Variants in AGT observed in about 807,000 individuals in gnomAD.
AGT encodes the protein angiotensinogen.
Under a neutral mutation model 28.1 loss-of-function variants are expected in AGT, and 26 were observed. That is an observed-to-expected ratio of 0.92 (90% CI 0.68 to 1.28). The LOEUF (loss-of-function observed/expected upper bound fraction) is 1.28. AGT is among the 50% of genes most tolerant of loss of function. The pLI is 0.00. For missense variants in AGT, 596 were observed against 592.3 expected, an observed-to-expected ratio of 1.01 and a Z score of -0.06; for synonymous variants, 259 against 259.6, an observed-to-expected ratio of 1.00 and a Z score of 0.02.
At chr1:230,723,755 T>G (rs574311371) in intron 1 of AGT, among the ~76,000 whole-genome samples, 2 of 152,356 alleles carry the variant, frequency 1.3e-5, no homozygotes, top group East Asian at 3.9e-4. Flanking sequence ...GGTTATCTTC[T>G]CTTTGTCCAC....
At chr1:230,733,955 C>T (rs1352685559) in intron 1 of AGT, among the ~76,000 whole-genome samples, 1 of 152,128 alleles carries the variant, frequency 6.6e-6, no homozygotes, top group Non-Finnish European at 1.5e-5. Flanking sequence ...CCAGGCTCCA[C>T]CTTTGTGATG....
intron 1 of AGT, among the ~76,000 whole-genome samples, chr1:230,736,251 C>T (rs146123198): frequency 5.3e-5 from 8 of 152,140 alleles, no homozygotes; most frequent in African/African-American, 9.6e-5. Context: ...CAGCTGGGCG[C>T]GGTGGCTCAC....
chr1:230,726,786 A>G (rs1663951460), intron 1 of AGT, among the ~76,000 whole-genome samples: 1 of 152,132 alleles, frequency 6.6e-6, no homozygotes, highest in African/African-American at 2.4e-5. Flanking sequence ...AGTGCCATTC[A>G]TCTCATTCTT....
chr1:230,738,199 C>T (rs1429828121), intron 1 of AGT, among the ~76,000 whole-genome samples: 1 of 152,252 alleles, frequency 6.6e-6, no homozygotes, highest in Non-Finnish European at 1.5e-5. Context: ...TTTCAGTTCT[C>T]TTGACAGATA....
rs1190042360 is a variant in AGT, at chr1:230,703,275, ACT to A, written c.1295_1296del (p.Glu432ValfsTer6). 1.9e-6 allele frequency: 3 copies of A among 1,613,900 alleles called. No individual in the cohort carries two copies. Among genetic ancestry groups the A allele is most frequent in the Non-Finnish European group, 1.7e-6 (2 of 1,179,956 alleles). On this transcript the variant is annotated frameshift_variant, in exon 5 of 5. Coordinates refer to ENST00000366667, the MANE Select transcript of AGT (RefSeq NM_001384479.1). LOFTEE classifies it low-confidence loss of function (END_TRUNC). ...ELEADEREPT[E>X]STQQLNKPEV... ...TCAGGCTTGTTAAGCTGTTGGGTAG[ACT>A]CTGTGGGCTCTCTCTCATCCGCTTC... is the stretch of plus-strand genomic sequence containing the variant.
At chr1:230,704,771 G>A (rs545852643) in intron 3 of AGT, among the ~76,000 whole-genome samples, 12 of 152,302 alleles carry the variant, frequency 7.9e-5, no homozygotes, top group African/African-American at 2.4e-4. Flanking sequence ...TGCTGGACAC[G>A]TTGCTATGTC....
chr1:230,722,525 A>G (rs1209186242), intron 1 of AGT, among the ~76,000 whole-genome samples: 1 of 152,232 alleles, frequency 6.6e-6, no homozygotes, highest in Non-Finnish European at 1.5e-5. Context: ...CCAGCCTGTG[A>G]AAGCAGCCAG....
chr1:230,708,321 C>A (rs1305905442), intron 2 of AGT, among the ~76,000 whole-genome samples: 2 of 152,198 alleles, frequency 1.3e-5, no homozygotes, highest in Admixed American at 1.3e-4. Flanking sequence ...ATGCCACTGG[C>A]TTTCTTGCCT....
chr1:230,743,753 A>G lies in AGT; in HGVS notation c.-31+1762T>C, dbSNP rs555531657. 4.2e-4 allele frequency among the ~76,000 whole-genome samples: 64 copies of G among 152,336 alleles called. 1 individual carries two copies. The highest frequency in any genetic ancestry group is 1.5e-4 in the Non-Finnish European group (10 of 68,012). On this transcript the variant is annotated intron_variant, in intron 1 of 4. Coordinates refer to the AGT transcript ENST00000681269. ...TCCTAGAGGTCATCTCCCTGCACCC[A>G]TGTGAAGCTTCTGAGCATTTGTCCT...
chr1:230,714,053 A>G (rs2148582), intron 1 of AGT, 33 bp downstream of exon 1: 88,034 of 151,938 alleles, frequency 0.58, 28,063 homozygotes, highest in East Asian at 0.83. Context: ...GAGAGACAAG[A>G]CCGAGAAGGA....
chr1:230,706,614 T>C (rs1397978286), intron 2 of AGT, among the ~76,000 whole-genome samples: 1 of 152,200 alleles, frequency 6.6e-6, no homozygotes, highest in African/African-American at 2.4e-5. Context: ...AGAGTGACTT[T>C]AGGTTCACAG....
At chr1:230,709,972 G>A in intron 2 of AGT, 23 bp downstream of exon 2, 1 of 1,614,114 alleles carries the variant, frequency 6.2e-7, no homozygotes, top group Non-Finnish European at 8.5e-7. Context: ...TAGGGCCAGA[G>A]CCAGCAGAGA....
chr1:230,710,764 G>GCCAGC lies in AGT; in HGVS notation c.55_59dup (p.Ala23TrpfsTer61). The GCCAGC allele has an allele frequency of 6.2e-7, 1 of 1,614,164 alleles. No homozygotes were observed. The highest frequency in any genetic ancestry group is 2.2e-5 in the East Asian group (1 of 44,888). On this transcript the variant is annotated frameshift_variant, in exon 2 of 5. Coordinates refer to ENST00000366667, the MANE Select transcript of AGT (RefSeq NM_001384479.1). LOFTEE classifies it high-confidence loss of function. ...TGTACACCCGGTCACCTGCAGCCAG[G>GCCAGC]CCAGCCCAGGCCAGGAGGCAGAGGA... is the stretch of plus-strand genomic sequence containing the variant.
intron 1 of AGT, among the ~76,000 whole-genome samples, chr1:230,742,340 G>C (rs1390203597): frequency 6.6e-6 from 1 of 152,118 alleles, no homozygotes; most frequent in East Asian, 1.9e-4. Context: ...TTTTGAGACA[G>C]AGTCTCGCAC....
upstream of AGT, among the ~76,000 whole-genome samples, chr1:230,719,406 G>GTTTTTTTTGTTTGTTTGTTTTTGT (rs1558291279): frequency 4.0e-5 from 4 of 100,322 alleles, no homozygotes; most frequent in Admixed American, 2.4e-4. Flanking sequence ...TTATCATTAT[G>GTTTTTTTTGTTTGTTTGTTTTTGT]TTTTTTTTTT....
chr1:230,727,753 G>C (rs1044628755), intron 1 of AGT, among the ~76,000 whole-genome samples: 1 of 152,062 alleles, frequency 6.6e-6, no homozygotes, highest in Non-Finnish European at 1.5e-5. Context: ...CCCTATATAA[G>C]GTACTGACAT....
Position 230,710,221 on chromosome 1 carries a change from GC to G in AGT, c.602del (p.Gly201AlafsTer10). 6.2e-7 allele frequency: 1 copy of G among 1,613,606 alleles called. No homozygotes were observed. Among genetic ancestry groups the G allele is most frequent in the Non-Finnish European group, 8.5e-7 (1 of 1,179,982 alleles). On this transcript the variant is annotated frameshift_variant, in exon 2 of 5. Coordinates refer to ENST00000366667, the MANE Select transcript of AGT (RefSeq NM_001384479.1). LOFTEE classifies it high-confidence loss of function. ...QAQLLLSTVV[G>X]VFTAPGLHLK... ...GGTGCAGGCCTGGGGCTGTGAACAC[GC>G]CCACCACCGTGGACAGCAGCAGCTG...
Position 230,703,142 on chromosome 1 carries a change from C to T in AGT, c.1430G>A (p.Ter477=), listed in dbSNP as rs771309153. The change falls in exon 5 of 5, where the codon TGA becomes TAA. Residue 477 remains the stop codon, a stop_retained_variant. Transcript: ENST00000366667. ...GRVANPLSTA[*] ...GCACTGTGTTCTGGGGCCCTGGCCT[C>T]ATGCTGTGCTCAGCGGGTTGGCCAC... is the stretch of plus-strand genomic sequence containing the variant. 1.2e-6 allele frequency: 2 copies of T among 1,613,556 alleles called. No homozygotes were observed. The highest frequency in any genetic ancestry group is 1.7e-6 in the Non-Finnish European group (2 of 1,180,038).
At chr1:230,734,382 C>G (rs988740929) in intron 1 of AGT, among the ~76,000 whole-genome samples, 2 of 150,186 alleles carry the variant, frequency 1.3e-5, no homozygotes, top group African/African-American at 4.9e-5. Flanking sequence ...TTTCCAGGGG[C>G]TGGGGGAGGG....
Sources: gnomAD v4.1 joint callset for allele counts (sites outside exome capture counted in the v4.1 genomes callset) on GRCh38, gnomAD v4.1.1 for gene constraint, MANE v1.5 for transcripts, NCBI Gene and HGNC (gene_info 2026-07-23, HGNC 2026-07-21) for gene names.